MIA2: variants seen among roughly 807,000 people sequenced by gnomAD.
The protein encoded by MIA2 is melanoma inhibitory activity protein 2.
A neutral mutation model predicts 167.8 loss-of-function variants in MIA2; 127 were observed. The observed-to-expected ratio is 0.76, with a 90% CI of 0.66 to 0.88. The LOEUF is 0.88. Ranked by LOEUF, MIA2 falls within the 40% of genes least tolerant of loss-of-function variation. MIA2 has a pLI of 0.00. For missense variants in MIA2, 1,690 were observed against 1,624.7 expected, an observed-to-expected ratio of 1.04 and a Z score of -0.69; for synonymous variants, 552 against 541.9, an observed-to-expected ratio of 1.02 and a Z score of -0.26.
intron 6 of MIA2, among the ~76,000 whole-genome samples, chr14:39,263,618 CCTCT>C (rs200385683): frequency 3.1e-4 from 45 of 143,548 alleles, no homozygotes; most frequent in Admixed American, 7.0e-4. Context: ...TTCCTTCCTT[CCTCT>C]CTCTCTCTCT....
chr14:39,277,507 CAGAG>C (rs2058175171), intron 7 of MIA2, among the ~76,000 whole-genome samples: 1 of 150,626 alleles, frequency 6.6e-6, no homozygotes, highest in African/African-American at 2.4e-5. Context: ...GCCTGGGTGA[CAGAG>C]AGAGACCCTG....
chr14:39,325,432 A>G (rs1464741683), intron 24 of MIA2, among the ~76,000 whole-genome samples: 19 of 140,770 alleles, frequency 1.3e-4, no homozygotes. Flanking sequence ...CAGTGGCATG[A>G]TCTTGGCTCA....
At chr14:39,331,392 G>A (rs984354722) in intron 25 of MIA2, among the ~76,000 whole-genome samples, 1 of 152,072 alleles carries the variant, frequency 6.6e-6, no homozygotes, top group African/African-American at 2.4e-5. Flanking sequence ...ACACCGATGG[G>A]TCTTGACTCT....
At chr14:39,339,153 A>G (rs933488952) in intron 25 of MIA2, among the ~76,000 whole-genome samples, 1 of 152,170 alleles carries the variant, frequency 6.6e-6, no homozygotes, top group African/African-American at 2.4e-5. Context: ...TTGCGCTTCT[A>G]TGAGAATAGA....
chr14:39,359,521 C>T (rs998180872), intron 23 of MIA2, among the ~76,000 whole-genome samples: 2 of 152,152 alleles, frequency 1.3e-5, no homozygotes, highest in Non-Finnish European at 2.9e-5. Flanking sequence ...ATGCTTTGCC[C>T]TTCTTTGGCT....
At chr14:39,364,729 TTTTTGTTTTG>T (rs909257698) in intron 23 of MIA2, among the ~76,000 whole-genome samples, 5 of 145,778 alleles carry the variant, frequency 3.4e-5, no homozygotes, top group African/African-American at 5.6e-5. Flanking sequence ...TTTTGTTTTG[TTTTTGTTTTG>T]TTTTGTTTTG....
chr14:39,320,312 T>C (rs1187194878), intron 23 of MIA2, among the ~76,000 whole-genome samples: 2 of 152,220 alleles, frequency 1.3e-5, no homozygotes, highest in Admixed American at 6.5e-5. Flanking sequence ...TGGTGAAGTT[T>C]GTAAAGTGGT....
In MIA2 at chr14:39,331,461, G is replaced by A. The variant is rs567761355; in HGVS notation, c.3655+4439G>A. ...GGGCATTTAGCCCATTTACATTTAA[G>A]GTTAATATTGTTATGTGTGAATTTG... On this transcript the variant is annotated intron_variant, in intron 25 of 28. Coordinates refer to ENST00000640607, the MANE Select transcript of MIA2 (RefSeq NM_001329214.4). Among the ~76,000 whole-genome samples, 511 of 152,196 alleles carry A rather than the reference G, an allele frequency of 3.4e-3. 2 individuals carry two copies. The highest frequency in any genetic ancestry group is 5.4e-3 in the Non-Finnish European group (366 of 67,992).
intron 25 of MIA2, among the ~76,000 whole-genome samples, chr14:39,342,382 G>A (rs2072135499): frequency 6.6e-6 from 1 of 152,108 alleles, no homozygotes; most frequent in Non-Finnish European, 1.5e-5. Flanking sequence ...TGGTGTATAT[G>A]TGCCACATTT....
Position 39,321,016 on chromosome 14 carries a change from A to G in MIA2, c.3456A>G (p.Pro1152=), listed in dbSNP as rs1181407651. 1.9e-6 allele frequency: 3 copies of G among 1,613,480 alleles called. No homozygotes were observed. Among genetic ancestry groups the G allele is most frequent in the Non-Finnish European group, 2.5e-6 (3 of 1,179,724 alleles). ...CTCCTCCAACTTTGTTGGAGGGTCC[A>G]CTCAGACTCTCACCTTTGCTTCCAG... is the stretch of plus-strand genomic sequence containing the variant. ...FLSPPTLLEG[P]LRLSPLLPGG... The change falls in exon 24 of 29, where the codon CCA becomes CCG. Residue 1152 remains proline, a synonymous_variant. Coordinates refer to ENST00000640607, the MANE Select transcript of MIA2 (RefSeq NM_001329214.4).
intron 24 of MIA2, among the ~76,000 whole-genome samples, chr14:39,324,578 T>C (rs1345630877): frequency 6.6e-6 from 1 of 152,096 alleles, no homozygotes; most frequent in Admixed American, 6.6e-5. Context: ...GGTACTGAAA[T>C]AGAGTAAGCA....
At chr14:39,303,856 C>T (rs2062903759) in intron 16 of MIA2, among the ~76,000 whole-genome samples, 1 of 151,722 alleles carries the variant, frequency 6.6e-6, no homozygotes, top group Non-Finnish European at 1.5e-5. Context: ...CCCCTTCTGC[C>T]CTATATCCTA....
intron 9 of MIA2, among the ~76,000 whole-genome samples, chr14:39,285,227 G>T (rs893631954): frequency 5.3e-5 from 8 of 151,804 alleles, no homozygotes; most frequent in East Asian, 1.9e-4. Flanking sequence ...CCACAAAACC[G>T]CCATCGTCAT....
intron 18 of MIA2, 113 bp from the exon 19 acceptor site, chr14:39,313,226 GT>G: frequency 2.0e-6 from 1 of 501,094 alleles, no homozygotes; most frequent in East Asian, 3.5e-5. Flanking sequence ...GATGTTTTCA[GT>G]GGTATTTTAG....
chr14:39,271,897 C>T (rs1018557461), intron 6 of MIA2, among the ~76,000 whole-genome samples: 1 of 152,112 alleles, frequency 6.6e-6, no homozygotes, highest in Admixed American at 6.6e-5. Context: ...AGAGGGAATG[C>T]AGGGGGTGGT....
chr14:39,363,697 G>T (rs1252788051), intron 23 of MIA2, among the ~76,000 whole-genome samples: 2 of 152,190 alleles, frequency 1.3e-5, no homozygotes, highest in East Asian at 1.9e-4. Flanking sequence ...GTGCTTCATT[G>T]TTGGGTACAT....
chr14:39,296,605 C>T (rs201367224), intron 13 of MIA2, among the ~76,000 whole-genome samples: 3 of 138,678 alleles, frequency 2.2e-5, no homozygotes, highest in African/African-American at 8.0e-5. Context: ...CTTTTCTTTT[C>T]TTTTTTTTTT....
intron 25 of MIA2, among the ~76,000 whole-genome samples, chr14:39,327,834 G>A (rs2067895081): frequency 6.6e-6 from 1 of 152,186 alleles, no homozygotes; most frequent in Non-Finnish European, 1.5e-5. Flanking sequence ...ATTCCATGGT[G>A]TGTATGTGCC....
downstream of MIA2, among the ~76,000 whole-genome samples, chr14:39,354,518 T>C (rs574546415): frequency 3.3e-5 from 5 of 152,290 alleles, no homozygotes; most frequent in South Asian, 4.1e-4. Flanking sequence ...GTTGCCTGTT[T>C]ATTCTGATGG....
Sources: gnomAD v4.1 joint callset for allele counts (sites outside exome capture counted in the v4.1 genomes callset) on GRCh38, gnomAD v4.1.1 for gene constraint, MANE v1.5 for transcripts, NCBI Gene and HGNC (gene_info 2026-07-23, HGNC 2026-07-21) for gene names.